Variants in DENND1A observed in about 807,000 individuals in gnomAD.
DENND1A encodes the protein DENN domain-containing protein 1A.
Under a neutral mutation model 113.7 loss-of-function variants are expected in DENND1A, and 51 were observed. The ratio of observed to expected loss-of-function variants is 0.45; its 90% confidence interval spans 0.36 to 0.57. DENND1A has a LOEUF of 0.57. DENND1A is among the 20% of genes least tolerant of loss of function. The pLI, the probability that DENND1A is intolerant of heterozygous loss-of-function variation, is 0.00. For missense variants in DENND1A, 1,258 were observed against 1,395.9 expected (o/e 0.90, Z 1.57); for synonymous variants, 565 against 570.8 (o/e 0.99, Z 0.14).
At chr9:123,637,408 T>C (rs926870971) in intron 9 of DENND1A, among the ~76,000 whole-genome samples, 28 of 152,226 alleles carry the variant, frequency 1.8e-4, no homozygotes, top group African/African-American at 6.8e-4. Flanking sequence ...ACCATCTTCG[T>C]AGTATCATGG....
intron 11 of DENND1A, among the ~76,000 whole-genome samples, chr9:123,596,151 ATCCTGC>A (rs2059681344): frequency 6.6e-6 from 1 of 152,154 alleles, no homozygotes; most frequent in Non-Finnish European, 1.5e-5. Flanking sequence ...CACCCAGCAG[ATCCTGC>A]TCTTCTAGAA....
chr9:123,688,706 A>G (rs976198065), intron 5 of DENND1A, among the ~76,000 whole-genome samples: 1 of 152,206 alleles, frequency 6.6e-6, no homozygotes, highest in African/African-American at 2.4e-5. Context: ...AGGAGGCTGA[A>G]GAGCTGGGAA....
At chr9:123,841,149 T>C (rs1431076407) in intron 2 of DENND1A, among the ~76,000 whole-genome samples, 2 of 152,182 alleles carry the variant, frequency 1.3e-5, no homozygotes, top group Non-Finnish European at 2.9e-5. Context: ...ATTTAGAAAG[T>C]AGTATAGTGC....
intron 2 of DENND1A, among the ~76,000 whole-genome samples, chr9:123,852,534 C>A (rs936294958): frequency 6.6e-6 from 1 of 152,132 alleles, no homozygotes; most frequent in Admixed American, 6.5e-5. Context: ...GCATTAAGTC[C>A]TTCAAAGACT....
At chr9:123,627,157 C>T (rs1312449157) in intron 10 of DENND1A, among the ~76,000 whole-genome samples, 3 of 152,320 alleles carry the variant, frequency 2.0e-5, no homozygotes, top group East Asian at 3.9e-4. Flanking sequence ...CACTCTCTAG[C>T]AGGTCCTCTC....
chr9:123,443,679 G>C (rs961427613), intron 18 of DENND1A, among the ~76,000 whole-genome samples: 1 of 152,270 alleles, frequency 6.6e-6, no homozygotes, highest in African/African-American at 2.4e-5. Context: ...AAGAGGCTGG[G>C]TGTGGAGGCT....
At chr9:123,658,375 T>C (rs190742012) in intron 8 of DENND1A, among the ~76,000 whole-genome samples, 1 of 152,224 alleles carries the variant, frequency 6.6e-6, no homozygotes, top group African/African-American at 2.4e-5. Flanking sequence ...GACTTTTTTT[T>C]AAATGCAGGT....
chr9:123,465,195 A>G (rs867531429), intron 13 of DENND1A, among the ~76,000 whole-genome samples: 1 of 151,592 alleles, frequency 6.6e-6, no homozygotes, highest in Non-Finnish European at 1.5e-5. Flanking sequence ...AAAAGAAAAA[A>G]AAAACATTAA....
chr9:123,519,152 T>C, intron 13 of DENND1A, among the ~76,000 whole-genome samples: 1 of 152,220 alleles, frequency 6.6e-6, no homozygotes, highest in East Asian at 1.9e-4. Context: ...ATGCACCATC[T>C]GAAGGAGAAG....
chr9:123,637,326 G>C (rs2061757415), intron 9 of DENND1A, among the ~76,000 whole-genome samples: 1 of 152,230 alleles, frequency 6.6e-6, no homozygotes, highest in Admixed American at 6.5e-5. Flanking sequence ...AGCAGCTGTA[G>C]AAAATGCTGT....
Position 123,490,999 on chromosome 9 carries a change from T to A in DENND1A, c.994-33102A>T, listed in dbSNP as rs371023546. ...AGAATATCTGGTATTTCAGGCCTTTTAGGAGGGACAATGATAAACCAGAGC... is the reference window on the plus strand; with the variant it reads ...AGAATATCTGGTATTTCAGGCCTTTAAGGAGGGACAATGATAAACCAGAGC... On this transcript the variant is annotated intron_variant, in intron 13 of 23. Transcript: ENST00000394215. Among the ~76,000 whole-genome samples the A allele has an allele frequency of 7.2e-5, 11 of 152,356 alleles. No homozygotes were observed. In the East Asian group the frequency reaches 1.9e-3, roughly 27 times the overall value.
At chr9:123,921,446 C>G (rs1292863303) in intron 1 of DENND1A, among the ~76,000 whole-genome samples, 1 of 152,216 alleles carries the variant, frequency 6.6e-6, no homozygotes, top group East Asian at 1.9e-4. Flanking sequence ...GAACTGCCAG[C>G]GTGGAGTCAA....
At chr9:123,842,234 A>C (rs1380678884) in intron 2 of DENND1A, among the ~76,000 whole-genome samples, 2 of 152,226 alleles carry the variant, frequency 1.3e-5, no homozygotes, top group Admixed American at 6.5e-5. Flanking sequence ...AGCATGAAGA[A>C]AATTATCTTG....
chr9:123,824,918 G>GCT (rs1162639469), intron 2 of DENND1A, among the ~76,000 whole-genome samples: 2 of 152,042 alleles, frequency 1.3e-5, no homozygotes, highest in Admixed American at 1.3e-4. Context: ...TTTATTTAAA[G>GCT]CTAGAATGAG....
At chr9:123,557,278 G>C (rs538678788) in intron 13 of DENND1A, among the ~76,000 whole-genome samples, 4 of 152,342 alleles carry the variant, frequency 2.6e-5, no homozygotes, top group Admixed American at 2.0e-4. Flanking sequence ...GGGAGAGCAG[G>C]TGAGTGTGAG....
At chr9:123,719,721 T>A (rs1307539015) in intron 5 of DENND1A, among the ~76,000 whole-genome samples, 1 of 152,202 alleles carries the variant, frequency 6.6e-6, no homozygotes, top group East Asian at 1.9e-4. Flanking sequence ...CAAATTCATT[T>A]ATGTTTCATA....
chr9:123,847,741 C>A (rs989605565), intron 2 of DENND1A, among the ~76,000 whole-genome samples: 1 of 152,156 alleles, frequency 6.6e-6, no homozygotes, highest in African/African-American at 2.4e-5. Flanking sequence ...TTGAGACCTG[C>A]CTGGCCAATA....
At chr9:123,454,622 C>A in intron 16 of DENND1A, 117 bp downstream of exon 16, 1 of 1,022,994 alleles carries the variant, frequency 9.8e-7, no homozygotes, top group Non-Finnish European at 1.5e-6. Flanking sequence ...CAAACAAAGG[C>A]ATCTCCAGCA....
chr9:123,602,950 T>A (rs556214866), intron 11 of DENND1A, among the ~76,000 whole-genome samples: 2 of 152,374 alleles, frequency 1.3e-5, no homozygotes, highest in African/African-American at 2.4e-5. Context: ...AAATGTCACA[T>A]GGAACATCTC....
Sources: allele counts gnomAD v4.1 joint callset (sites outside exome capture counted in the v4.1 genomes callset), GRCh38; gene constraint gnomAD v4.1.1; transcripts MANE v1.5; gene names NCBI Gene and HGNC (gene_info 2026-07-23, HGNC 2026-07-21).